The following SLCO1A2 variants were observed in gnomAD, a reference collection of about 807,000 sequenced individuals.
SLCO1A2 encodes solute carrier organic anion transporter family member 1A2.
In SLCO1A2, 67 loss-of-function variants were observed where a neutral mutation model predicts 69.0. The observed-to-expected ratio is 0.97, with a 90% confidence interval of 0.80 to 1.19. The LOEUF (loss-of-function observed/expected upper bound fraction) is 1.19. Among genes scored for constraint, SLCO1A2 ranks in the 50% most tolerant of loss-of-function variants. SLCO1A2 has a pLI of 0.00. For missense variants in SLCO1A2, 787 were observed against 793.7 expected (o/e 0.99, Z 0.10); for synonymous variants, 260 against 265.9 (o/e 0.98, Z 0.22).
intron 2 of SLCO1A2, among the ~76,000 whole-genome samples, chr12:21,356,053 G>C (rs1212912745): frequency 6.6e-6 from 1 of 151,926 alleles, no homozygotes; most frequent in African/African-American, 2.4e-5. Flanking sequence ...ATCAAATAAA[G>C]ACCCTGTATA....
intron 12 of SLCO1A2, among the ~76,000 whole-genome samples, chr12:21,289,000 T>C (rs993796020): frequency 2.0e-5 from 3 of 151,762 alleles, no homozygotes; most frequent in South Asian, 2.1e-4. Flanking sequence ...TACAATCACA[T>C]TGATAATCAC....
chr12:21,280,015 A>G (rs756853984), intron 12 of SLCO1A2, among the ~76,000 whole-genome samples: 48 of 152,048 alleles, frequency 3.2e-4, no homozygotes, highest in Non-Finnish European at 2.5e-4. Context: ...TATGCAAGCA[A>G]TTTTAACATA....
At chr12:21,406,673 C>A (rs1941827979) in intron 1 of SLCO1A2, among the ~76,000 whole-genome samples, 1 of 152,166 alleles carries the variant, frequency 6.6e-6, no homozygotes, top group Non-Finnish European at 1.5e-5. Context: ...AGATAGGACA[C>A]AGGTACAGAT....
At chr12:21,315,518 C>A (rs746135046) in intron 3 of SLCO1A2, among the ~76,000 whole-genome samples, 1 of 152,070 alleles carries the variant, frequency 6.6e-6, no homozygotes, top group African/African-American at 2.4e-5. Flanking sequence ...ATAAAGAATG[C>A]CTCTGCAATG....
chr12:21,347,965 T>A (rs183735249), intron 2 of SLCO1A2, among the ~76,000 whole-genome samples: 1 of 152,216 alleles, frequency 6.6e-6, no homozygotes, highest in Non-Finnish European at 1.5e-5. Context: ...CCCCTGTGAC[T>A]TCCAGCCAAA....
At chr12:21,282,546 C>G (rs996800577) in intron 12 of SLCO1A2, among the ~76,000 whole-genome samples, 4 of 152,218 alleles carry the variant, frequency 2.6e-5, no homozygotes, top group Admixed American at 2.0e-4. Context: ...AGGATGCCCA[C>G]TTTCACCATT....
chr12:21,300,954 G>A (rs1316916681), intron 7 of SLCO1A2, among the ~76,000 whole-genome samples: 1 of 152,190 alleles, frequency 6.6e-6, no homozygotes, highest in African/African-American at 2.4e-5. Flanking sequence ...GAAATAGCAT[G>A]TGATTCTGTG....
Position 21,362,869 on chromosome 12 carries a change from A to T in SLCO1A2, c.-63+11530T>A, listed in dbSNP as rs534696696. Among the ~76,000 whole-genome samples, 4 of 152,348 alleles carry T rather than the reference A, an allele frequency of 2.6e-5. No individual in the cohort carries two copies. The South Asian group carries it at 6.2e-4, about 24-fold the overall frequency. Reference sequence around the variant, plus strand: ...ACTATCCTAAATATATATGCATCCAATACAGGAGCACCCAGATTCATAAAG... The same window carrying T: ...ACTATCCTAAATATATATGCATCCATTACAGGAGCACCCAGATTCATAAAG... On this transcript the variant is annotated intron_variant, in intron 2 of 15. Coordinates refer to the SLCO1A2 transcript ENST00000307378.
intron 2 of SLCO1A2, among the ~76,000 whole-genome samples, chr12:21,322,724 G>C (rs937569431): frequency 1.3e-4 from 20 of 152,126 alleles, no homozygotes; most frequent in Admixed American, 5.2e-4. Context: ...ATTCCAAAAG[G>C]GAAGAGGGTA....
At chr12:21,329,481 C>A (rs182306091) in intron 2 of SLCO1A2, among the ~76,000 whole-genome samples, 47 of 150,862 alleles carry the variant, frequency 3.1e-4, no homozygotes, top group Non-Finnish European at 6.1e-4. Context: ...ATAACAATAA[C>A]CAAGGGATTG....
intron 1 of SLCO1A2, among the ~76,000 whole-genome samples, chr12:21,381,517 G>C (rs867135266): frequency 2.0e-5 from 3 of 152,160 alleles, no homozygotes; most frequent in South Asian, 4.1e-4. Flanking sequence ...CAAAAAACAG[G>C]CTGGGCGTGG....
chr12:21,345,069 C>T (rs1258319820), intron 2 of SLCO1A2, among the ~76,000 whole-genome samples: 5 of 151,762 alleles, frequency 3.3e-5, no homozygotes, highest in Non-Finnish European at 7.4e-5. Context: ...GCCATAATAA[C>T]ACAATAAAAG....
intron 2 of SLCO1A2, among the ~76,000 whole-genome samples, chr12:21,371,373 G>A (rs1397132091): frequency 6.6e-6 from 1 of 151,274 alleles, no homozygotes; most frequent in Non-Finnish European, 1.5e-5. Context: ...TCTTCTTACG[G>A]AAATGCATTA....
At chr12:21,394,748 G>C (rs763518849) in intron 1 of SLCO1A2, among the ~76,000 whole-genome samples, 1 of 152,018 alleles carries the variant, frequency 6.6e-6, no homozygotes, top group Admixed American at 6.6e-5. Flanking sequence ...TTATCCCATC[G>C]AGAGGCTTGT....
chr12:21,284,322 A>G lies in SLCO1A2; in HGVS notation c.1610+7842T>C, dbSNP rs574632431. Among the ~76,000 whole-genome samples, 279 of 152,296 alleles carry G rather than the reference A, an allele frequency of 1.8e-3. 2 individuals are homozygous for G. The highest frequency in any genetic ancestry group is 6.4e-3 in the African/African-American group (265 of 41,560). On this transcript the variant is annotated intron_variant, in intron 12 of 14. Coordinates refer to ENST00000683939, the MANE Select transcript of SLCO1A2 (RefSeq NM_001386879.1). Reference sequence around the variant, plus strand: ...GCTCCCAGTGTGAGCGATGCAGAAGACGGGTGATTTCTGCATTTCCATCTG... The same window carrying G: ...GCTCCCAGTGTGAGCGATGCAGAAGGCGGGTGATTTCTGCATTTCCATCTG...
chr12:21,336,119 T>G (rs948802783), upstream of SLCO1A2, among the ~76,000 whole-genome samples: 1 of 152,048 alleles, frequency 6.6e-6, no homozygotes, highest in Non-Finnish European at 1.5e-5. Context: ...TTCTCGTGCA[T>G]TTAGAACCCA....
chr12:21,298,120 T>G (rs1308719044), intron 8 of SLCO1A2, among the ~76,000 whole-genome samples: 1 of 152,174 alleles, frequency 6.6e-6, no homozygotes, highest in Non-Finnish European at 1.5e-5. Context: ...GAACAACAGT[T>G]TCAGTGGTTC....
At chr12:21,409,982 C>T (rs746186158) in intron 1 of SLCO1A2, among the ~76,000 whole-genome samples, 9 of 152,120 alleles carry the variant, frequency 5.9e-5, no homozygotes, top group Non-Finnish European at 2.9e-5. Context: ...TCCAGGAAAT[C>T]CTTCATTTGG....
intron 4 of SLCO1A2, among the ~76,000 whole-genome samples, chr12:21,312,002 G>A (rs12809647): frequency 3.3e-5 from 5 of 150,346 alleles, no homozygotes; most frequent in East Asian, 1.9e-4. Flanking sequence ...GGAGGAGGAG[G>A]AGAAGAAGAG....
Sources: gnomAD v4.1 joint callset for allele counts (sites outside exome capture counted in the v4.1 genomes callset) on GRCh38, gnomAD v4.1.1 for gene constraint, MANE v1.5 for transcripts, NCBI Gene and HGNC (gene_info 2026-07-23, HGNC 2026-07-21) for gene names.